The following FGD5 variants were observed in gnomAD, a reference collection of about 807,000 sequenced individuals.
FGD5 encodes the protein FYVE, RhoGEF and PH domain containing 5.
In FGD5, 28 loss-of-function variants were observed where a neutral mutation model predicts 133.4. The ratio of observed to expected loss-of-function variants is 0.21; its 90% CI spans 0.16 to 0.29. The LOEUF (loss-of-function observed/expected upper bound fraction) is 0.29. Among genes scored for constraint, FGD5 ranks in the 10% least tolerant of loss-of-function variants. The pLI, the probability that FGD5 is intolerant of heterozygous loss-of-function variation, is 1.00. For synonymous variants in FGD5, 810 were observed against 776.5 expected, an observed-to-expected ratio of 1.04 and a Z score of -0.72; for missense variants, 1,858 against 1,895.2, an observed-to-expected ratio of 0.98 and a Z score of 0.36.
chr3:14,910,919 A>C lies in FGD5; in HGVS notation c.3395A>C (p.His1132Pro). The stretch of plus-strand genomic sequence containing the variant: ...ACAGGGAAAAACAGACGGCCCCGGC[A>C]CCTATTTCTGGTAAGTGCCCGGTCC... ...KVTGKNRRPR[H>P]LFLMNDVLLY... The change falls in exon 11 of 20, where the codon CAC (histidine) becomes CCC (proline). Residue 1132 changes from histidine (H) to proline (P), a missense_variant. By Grantham distance (77) the His-to-Pro change is moderately conservative. This residue lies in a region of FGD5 where 1,824 missense variants were observed against 1,848.9 expected (regional missense o/e 0.99). Coordinates refer to ENST00000285046, the MANE Select transcript of FGD5 (RefSeq NM_152536.4). The C allele has an allele frequency of 1.9e-6, 3 of 1,612,508 alleles. No homozygotes were observed. Among genetic ancestry groups the C allele is most frequent in the Non-Finnish European group, 2.5e-6 (3 of 1,179,294 alleles).
rs2036644280 is a variant in FGD5 at position 14,828,512 on chromosome 3, C to G, written c.2525+6916C>G. Among the ~76,000 whole-genome samples, 3 of 152,144 alleles carry G rather than the reference C, an allele frequency of 2.0e-5. No homozygotes were observed. The South Asian group carries it at 6.2e-4, about 32-fold the overall frequency. On this transcript the variant is annotated intron_variant, in intron 1 of 19. Coordinates refer to ENST00000285046, the MANE Select transcript of FGD5 (RefSeq NM_152536.4). Reference sequence around the variant, plus strand: ...GGTTGAAAGGCTTGAGGACTAAACACAAATACCATCTCTCTCTCATTTCTG... The same window carrying G: ...GGTTGAAAGGCTTGAGGACTAAACAGAAATACCATCTCTCTCTCATTTCTG...
At chr3:14,903,120 A>C (rs570536020) in intron 9 of FGD5, among the ~76,000 whole-genome samples, 12 of 152,178 alleles carry the variant, frequency 7.9e-5, no homozygotes, top group Admixed American at 2.0e-4. Context: ...TGCAGCTGTC[A>C]TCCCATTCAT....
intron 1 of FGD5, among the ~76,000 whole-genome samples, chr3:14,858,355 G>A (rs202196677): frequency 1.1e-4 from 14 of 130,972 alleles, no homozygotes; most frequent in Non-Finnish European, 1.6e-4. Context: ...GGGTGGGTGG[G>A]TGGATGGATG....
chr3:14,819,225 T>A lies in FGD5; in HGVS notation c.154T>A (p.Ser52Thr), dbSNP rs1215192654. ...VDRGLDEGPR[S>T]IPKCSESETD... ...CAGGGGGCTTGATGAGGGGCCCCGG[T>A]CCATCCCAAAGTGCTCTGAGTCGGA... Residue 52 changes from serine to threonine, a missense_variant, in exon 1 of 20, where the codon TCC (serine) becomes ACC (threonine). Transcript: ENST00000285046. The surrounding 1 kb of genome is among the most constrained non-coding windows in gnomAD (Gnocchi z 4.1). 1.3e-6 allele frequency: 2 copies of A among 1,548,086 alleles called. No homozygotes were observed. The highest frequency in any genetic ancestry group is 2.7e-5 in the African/African-American group (2 of 72,888).
chr3:14,924,943 T>TA (rs1158944606), intron 17 of FGD5, among the ~76,000 whole-genome samples: 1 of 151,436 alleles, frequency 6.6e-6, no homozygotes, highest in Non-Finnish European at 1.5e-5. Context: ...CTACTAAAAA[T>TA]ACAAAAATCA....
intron 2 of FGD5, among the ~76,000 whole-genome samples, chr3:14,878,957 T>G (rs2037775045): frequency 6.6e-6 from 1 of 152,200 alleles, no homozygotes; most frequent in Non-Finnish European, 1.5e-5. Context: ...TCCACCCGCC[T>G]TAGCCTCCCA....
At chr3:14,911,987 C>A (rs2038458234) in intron 11 of FGD5, among the ~76,000 whole-genome samples, 1 of 151,762 alleles carries the variant, frequency 6.6e-6, no homozygotes, top group Non-Finnish European at 1.5e-5. Flanking sequence ...CAAGGAAGGG[C>A]ATTTCAGGAG....
At chr3:14,860,862 T>C (rs986143886) in intron 1 of FGD5, among the ~76,000 whole-genome samples, 14 of 151,814 alleles carry the variant, frequency 9.2e-5, no homozygotes, top group Admixed American at 2.6e-4. Flanking sequence ...CCTGTAGTCC[T>C]TAACTACTGG....
At chr3:14,882,271 G>T in intron 4 of FGD5, 1 of 985,066 alleles carries the variant, frequency 1.0e-6, no homozygotes, top group Non-Finnish European at 1.2e-6. Context: ...TTTGTTTTAT[G>T]ACTTCATAAG....
At chr3:14,830,240 A>T (rs192408559) in intron 1 of FGD5, among the ~76,000 whole-genome samples, 1 of 152,264 alleles carries the variant, frequency 6.6e-6, no homozygotes, top group Non-Finnish European at 1.5e-5. Context: ...TCTCAAAACC[A>T]TCACATCCTA....
intron 4 of FGD5, among the ~76,000 whole-genome samples, chr3:14,882,085 C>T (rs1423871445): frequency 1.3e-5 from 2 of 152,192 alleles, no homozygotes; most frequent in African/African-American, 4.8e-5. Flanking sequence ...GGATGAAAGC[C>T]TTGTGTGCAC....
intron 1 of FGD5, among the ~76,000 whole-genome samples, chr3:14,829,711 T>C (rs2036669520): frequency 1.3e-5 from 2 of 152,100 alleles, no homozygotes; most frequent in East Asian, 1.9e-4. Context: ...AGTAATGAAG[T>C]TGGGGGGAGG....
At chr3:14,887,820 C>G (rs1460493058) in intron 4 of FGD5, among the ~76,000 whole-genome samples, 1 of 152,024 alleles carries the variant, frequency 6.6e-6, no homozygotes, top group Non-Finnish European at 1.5e-5. Flanking sequence ...GTGAAGAAGG[C>G]TGTGCCTGGC....
chr3:14,836,144 C>A (rs2036813206), intron 1 of FGD5, among the ~76,000 whole-genome samples: 1 of 152,196 alleles, frequency 6.6e-6, no homozygotes, highest in Non-Finnish European at 1.5e-5. Context: ...AGCACGGAGA[C>A]CCTGGGGCTG....
At chr3:14,882,645 C>T (rs2037848292) in intron 4 of FGD5, among the ~76,000 whole-genome samples, 1 of 151,194 alleles carries the variant, frequency 6.6e-6, no homozygotes, top group South Asian at 2.1e-4. Context: ...TTGCAGTGAG[C>T]CGAGATCGTG....
At chr3:14,810,955 G>A (rs2036283143) in intron 1 of FGD5, 1 of 957,644 alleles carries the variant, frequency 1.0e-6, no homozygotes, top group African/African-American at 1.8e-5. Context: ...GGAGCCCGGG[G>A]CTAGCTGCCC....
chr3:14,833,202 G>C lies in FGD5; in HGVS notation c.2525+11606G>C, dbSNP rs550121422. Among the ~76,000 whole-genome samples the C allele has an allele frequency of 9.9e-5, 15 of 152,208 alleles. No individual in the cohort carries two copies. In the East Asian group the frequency reaches 2.5e-3, roughly 25 times the overall value. ...CTGTGTTGGAGAGGCCTGATCTTTGGCTGTTTTCTGGCAAGATGAGTGTCT... is the reference window on the plus strand; with the variant it reads ...CTGTGTTGGAGAGGCCTGATCTTTGCCTGTTTTCTGGCAAGATGAGTGTCT... On this transcript the variant is annotated intron_variant, in intron 1 of 19. Coordinates refer to ENST00000285046, the MANE Select transcript of FGD5 (RefSeq NM_152536.4).
chr3:14,811,164 C>G (rs796538488), intron 1 of FGD5, among the ~76,000 whole-genome samples: 2 of 152,134 alleles, frequency 1.3e-5, no homozygotes, highest in South Asian at 4.1e-4. Context: ...GAGTGAGGGT[C>G]CCTTCCACGA....
Position 14,917,261 on chromosome 3 carries a change from C to G in FGD5, c.3418C>G (p.Leu1140Val). 1 of 1,613,558 alleles carries G rather than the reference C, an allele frequency of 6.2e-7. No individual in the cohort carries two copies. Among genetic ancestry groups the G allele is most frequent in the Admixed American group, 1.7e-5 (1 of 59,976 alleles). ...PRHLFLMNDVLLYTYPQKDGK... is the reference protein window; with the variant it reads ...PRHLFLMNDVVLYTYPQKDGK... ...TCCCTCTCTCCAGATGAACGATGTG[C>G]TCCTGTACACCTATCCCCAGAAGGA... Residue 1140 changes from leucine to valine, a missense_variant, in exon 12 of 20, where the codon CTC becomes GTC. Physicochemically the swap from Leu to Val is conservative, Grantham distance 32 (BLOSUM62 1). This residue lies in a region of FGD5 where 1,824 missense variants were observed against 1,848.9 expected (regional missense o/e 0.99). Transcript: ENST00000285046. The surrounding 1 kb of genome is among the most constrained non-coding windows in gnomAD (Gnocchi z 4.1).
Sources: gnomAD v4.1 joint callset for allele counts (sites outside exome capture counted in the v4.1 genomes callset) on GRCh38, gnomAD v4.1.1 for gene constraint, gnomAD v4.1.1 regional missense constraint, Gnocchi (gnomAD v3.1) non-coding constraint, MANE v1.5 for transcripts, NCBI Gene and HGNC (gene_info 2026-07-23, HGNC 2026-07-21) for gene names.